OPCML: variants seen among roughly 807,000 people sequenced by gnomAD.
OPCML encodes opioid-binding protein/cell adhesion molecule.
A neutral mutation model predicts 37.8 loss-of-function variants in OPCML; 13 were observed. The ratio of observed to expected loss-of-function variants is 0.34; its 90% confidence interval spans 0.22 to 0.55. The LOEUF (loss-of-function observed/expected upper bound fraction) is 0.55. OPCML is among the 20% of genes least tolerant of loss of function. The probability of loss-of-function intolerance (pLI) is 0.91; values close to 1 mark genes in which losing one functional copy is unlikely to be tolerated. For synonymous variants in OPCML, 176 were observed against 168.8 expected (o/e 1.04, Z -0.33); for missense variants, 341 against 435.6 (o/e 0.78, Z 1.93).
intron 2 of OPCML, among the ~76,000 whole-genome samples, chr11:132,933,407 T>C (rs888779447): frequency 6.6e-6 from 1 of 152,154 alleles, no homozygotes; most frequent in Admixed American, 6.5e-5. Flanking sequence ...TGTCAAATCC[T>C]CCAATTATAA....
intron 1 of OPCML, among the ~76,000 whole-genome samples, chr11:133,153,756 G>C (rs1950019395): frequency 6.9e-6 from 1 of 145,056 alleles, no homozygotes; most frequent in Non-Finnish European, 1.5e-5. Context: ...AAGGGAAGGA[G>C]GTTGCTTCCC....
intron 2 of OPCML, among the ~76,000 whole-genome samples, chr11:132,917,085 C>A (rs1001599763): frequency 6.6e-6 from 1 of 152,158 alleles, no homozygotes; most frequent in Non-Finnish European, 1.5e-5. Context: ...ACTAATCCAT[C>A]ATCTGTGGCT....
chr11:133,160,375 C>G lies in OPCML; in HGVS notation c.62-217365G>C, dbSNP rs80282168. Among the ~76,000 whole-genome samples the G allele has an allele frequency of 3.3e-3, 497 of 152,260 alleles. 4 individuals are homozygous for G. Among genetic ancestry groups the G allele is most frequent in the African/African-American group, 0.012 (488 of 41,546 alleles). On this transcript the variant is annotated intron_variant, in intron 1 of 7. Transcript: ENST00000524381. ...CCAATTCCTGCCCCAGGAATAGCCC[C>G]AGGAGTTTACTCCTGAGTCAACTCA...
rs564303767 is a variant in OPCML at position 132,524,446 on chromosome 11, C to T, written c.505+4615G>A. ...AAGGCTGCTACACAAGTACCATACCCTCTAGCAGATCTATATAAATATTTT... is the reference window on the plus strand; with the variant it reads ...AAGGCTGCTACACAAGTACCATACCTTCTAGCAGATCTATATAAATATTTT... On this transcript the variant is annotated intron_variant, in intron 4 of 7. Coordinates refer to ENST00000524381, the MANE Select transcript of OPCML (RefSeq NM_001012393.5). Among the ~76,000 whole-genome samples, 9 of 152,272 alleles carry T rather than the reference C, an allele frequency of 5.9e-5. No individual in the cohort carries two copies. The South Asian group carries it at 1.9e-3, about 32-fold the overall frequency.
At chr11:132,601,723 T>C (rs1270911328) in intron 3 of OPCML, among the ~76,000 whole-genome samples, 1 of 152,132 alleles carries the variant, frequency 6.6e-6, no homozygotes, top group African/African-American at 2.4e-5. Context: ...CCCATCTAAC[T>C]CCACCTAAAC....
At chr11:132,985,355 T>C (rs1272669529) in intron 1 of OPCML, among the ~76,000 whole-genome samples, 10 of 152,192 alleles carry the variant, frequency 6.6e-5, no homozygotes, top group Non-Finnish European at 1.2e-4. Flanking sequence ...ATTTGGTTCC[T>C]TGCATTTGTG....
intron 1 of OPCML, chr11:133,007,534 G>A: frequency 2.0e-6 from 2 of 985,314 alleles, no homozygotes; most frequent in Non-Finnish European, 2.4e-6. Flanking sequence ...AGGCAGGGTG[G>A]GGAACTGAGC....
At chr11:132,951,220 T>C (rs887888540) in intron 1 of OPCML, among the ~76,000 whole-genome samples, 1 of 152,202 alleles carries the variant, frequency 6.6e-6, no homozygotes, top group Non-Finnish European at 1.5e-5. Context: ...TATGTCTCAG[T>C]CAGCTCAGGC....
chr11:133,170,208 G>A (rs1225658674), intron 1 of OPCML, among the ~76,000 whole-genome samples: 2 of 152,212 alleles, frequency 1.3e-5, no homozygotes, highest in Non-Finnish European at 2.9e-5. Context: ...TGGGCACGGT[G>A]GCTCACGCCT....
At chr11:133,442,641 C>T (rs532146368) in intron 1 of OPCML, among the ~76,000 whole-genome samples, 1 of 151,760 alleles carries the variant, frequency 6.6e-6, no homozygotes, top group African/African-American at 2.4e-5. Context: ...TCTTACTAAA[C>T]TAATATGAAC....
Position 133,081,373 on chromosome 11 carries a change from G to A in OPCML, c.62-138363C>T, listed in dbSNP as rs73590506. On this transcript the variant is annotated intron_variant, in intron 1 of 7. Transcript: ENST00000524381. ...CCTCCTCCACTAGATCACAGATTCC[G>A]CAACTTAGGAACTGAGGCTGATGAT... Among the ~76,000 whole-genome samples, 891 of 152,256 alleles carry A rather than the reference G, an allele frequency of 5.9e-3. 11 individuals are homozygous for A. Among genetic ancestry groups the A allele is most frequent in the African/African-American group, 0.021 (857 of 41,534 alleles).
At chr11:133,472,266 G>A (rs1369439576) in intron 1 of OPCML, among the ~76,000 whole-genome samples, 2 of 152,004 alleles carry the variant, frequency 1.3e-5, no homozygotes, top group African/African-American at 4.8e-5. Flanking sequence ...AGTACAATAT[G>A]GCCTTTCAAT....
chr11:132,911,248 C>G (rs2136541526), intron 2 of OPCML, among the ~76,000 whole-genome samples: 1 of 152,326 alleles, frequency 6.6e-6, no homozygotes, highest in South Asian at 2.1e-4. Flanking sequence ...TTTGATATCT[C>G]AACAGCTGGA....
At chr11:132,661,152 G>A (rs1005134204) in intron 2 of OPCML, among the ~76,000 whole-genome samples, 1 of 152,072 alleles carries the variant, frequency 6.6e-6, no homozygotes, top group Non-Finnish European at 1.5e-5. Flanking sequence ...TGTCCCTTGG[G>A]TAATCCTCTC....
chr11:132,614,277 A>G (rs1459671368), intron 3 of OPCML, among the ~76,000 whole-genome samples: 1 of 151,922 alleles, frequency 6.6e-6, no homozygotes, highest in Non-Finnish European at 1.5e-5. Flanking sequence ...CCCCCATCAG[A>G]TTTTCCTGAG....
chr11:133,264,601 A>G (rs1941597777), intron 1 of OPCML, among the ~76,000 whole-genome samples: 2 of 152,166 alleles, frequency 1.3e-5, no homozygotes, highest in African/African-American at 4.8e-5. Context: ...GTGAACTAAC[A>G]TGCTGGTGTC....
intron 1 of OPCML, among the ~76,000 whole-genome samples, chr11:133,253,825 CTTCCA>C (rs1439695176): frequency 1.5e-3 from 105 of 68,480 alleles, no homozygotes; most frequent in East Asian, 6.0e-3. Flanking sequence ...CTTCCCTTCC[CTTCCA>C]TTCCCTTCCC....
intron 1 of OPCML, among the ~76,000 whole-genome samples, chr11:133,141,106 G>GA (rs1565469422): frequency 1.0e-4 from 14 of 138,564 alleles, no homozygotes; most frequent in South Asian, 2.5e-4. Context: ...AGAAGAAGAA[G>GA]CAGCTGAATG....
intron 1 of OPCML, among the ~76,000 whole-genome samples, chr11:133,490,829 C>G: frequency 6.6e-6 from 1 of 152,148 alleles, no homozygotes; most frequent in East Asian, 1.9e-4. Context: ...CCCTTTACAT[C>G]TTTAAAATGT....
Sources: gnomAD v4.1 joint callset for allele counts (sites outside exome capture counted in the v4.1 genomes callset) on GRCh38, gnomAD v4.1.1 for gene constraint, MANE v1.5 for transcripts, NCBI Gene and HGNC (gene_info 2026-07-23, HGNC 2026-07-21) for gene names.